Variants in MCCC1 observed in about 807,000 individuals in gnomAD.
MCCC1 encodes the protein methylcrotonoyl-CoA carboxylase subunit alpha, mitochondrial.
MCCC1 carries 64 observed loss-of-function variants against 83.8 expected under a neutral mutation model. That is an observed-to-expected ratio of 0.76 (90% CI 0.62 to 0.94). The LOEUF (loss-of-function observed/expected upper bound fraction) is 0.94, where lower values mean the gene tolerates loss of function less well. Ranked by LOEUF, MCCC1 falls within the 40% of genes least tolerant of loss-of-function variation. MCCC1 has a pLI of 0.00. For synonymous variants in MCCC1, 322 were observed against 315.4 expected, an observed-to-expected ratio of 1.02 and a Z score of -0.22; for missense variants, 807 against 904.7, an observed-to-expected ratio of 0.89 and a Z score of 1.39.
At chr3:183,092,600 A>C in intron 2 of MCCC1, 55 bp from the exon 3 acceptor site, 1 of 1,608,374 alleles carries the variant, frequency 6.2e-7, no homozygotes, top group Non-Finnish European at 8.5e-7. Flanking sequence ...GCAAAGAATG[A>C]GAATGAGAAT....
At chr3:183,050,724 AAAG>A (rs1222666287) in intron 9 of MCCC1, among the ~76,000 whole-genome samples, 1 of 151,484 alleles carries the variant, frequency 6.6e-6, no homozygotes, top group East Asian at 1.9e-4. Flanking sequence ...AAAAAAAAAA[AAAG>A]AAAGGGAAAG....
chr3:183,038,765 A>C (rs1360230931), intron 12 of MCCC1, among the ~76,000 whole-genome samples: 1 of 152,262 alleles, frequency 6.6e-6, no homozygotes, highest in African/African-American at 2.4e-5. Context: ...CCTTATCTAC[A>C]GAGTGAATAG....
chr3:183,024,826 A>G (rs1429604208), intron 15 of MCCC1, among the ~76,000 whole-genome samples: 1 of 152,158 alleles, frequency 6.6e-6, no homozygotes, highest in Non-Finnish European at 1.5e-5. Context: ...GGTCTTAAAG[A>G]AGTATTTGTA....
chr3:183,047,502 G>T (rs909544103), intron 9 of MCCC1, among the ~76,000 whole-genome samples: 3 of 152,156 alleles, frequency 2.0e-5, no homozygotes, highest in South Asian at 2.1e-4. Context: ...GAAGCATCAG[G>T]TATGGCAGGA....
chr3:183,079,057 C>T (rs921091524), intron 4 of MCCC1, among the ~76,000 whole-genome samples: 26 of 152,220 alleles, frequency 1.7e-4, no homozygotes, highest in African/African-American at 6.3e-4. Flanking sequence ...TCCCACGATA[C>T]ATGAGAATTG....
intron 8 of MCCC1, among the ~76,000 whole-genome samples, chr3:183,052,742 G>A (rs1018648793): frequency 1.5e-4 from 23 of 150,436 alleles, no homozygotes; most frequent in Admixed American, 4.6e-4. Context: ...CCTGGGAGGC[G>A]GAGCTTGCAG....
chr3:183,016,807 C>T (rs113900810), intron 18 of MCCC1, among the ~76,000 whole-genome samples: 13 of 152,322 alleles, frequency 8.5e-5, no homozygotes, highest in African/African-American at 2.6e-4. Context: ...ACCATTTGAA[C>T]CATCTAAAAA....
At chr3:183,092,345 A>G (rs1718420099) in intron 3 of MCCC1, 64 bp downstream of exon 3, 2 of 1,607,128 alleles carry the variant, frequency 1.2e-6, no homozygotes, top group Non-Finnish European at 1.7e-6. Context: ...CATCATAAAG[A>G]ACGAAAATAC....
Position 183,064,563 on chromosome 3 carries a change from A to G in MCCC1, c.761+6436T>C, listed in dbSNP as rs1716101012. Among the ~76,000 whole-genome samples, 1 of 152,132 alleles carries G rather than the reference A, an allele frequency of 6.6e-6. No individual in the cohort carries two copies. Among genetic ancestry groups the G allele is most frequent in the Admixed American group, 6.5e-5 (1 of 15,280 alleles). On this transcript the variant is annotated intron_variant, in intron 7 of 18. Transcript: ENST00000265594. The surrounding 1 kb of genome is among the most constrained non-coding windows in gnomAD (Gnocchi z 4.5). Reference sequence around the variant, plus strand: ...CACGCCACCAGCACGGGCCAGGCGCACAAGTGCAGCACCAGCGGGCTGCAC... The same window carrying G: ...CACGCCACCAGCACGGGCCAGGCGCGCAAGTGCAGCACCAGCGGGCTGCAC...
At chr3:183,089,956 A>G (rs1465497071) in intron 3 of MCCC1, among the ~76,000 whole-genome samples, 1 of 152,206 alleles carries the variant, frequency 6.6e-6, no homozygotes, top group Non-Finnish European at 1.5e-5. Flanking sequence ...AGTTGGATAT[A>G]TATGTATCAT....
chr3:183,091,136 A>G, intron 3 of MCCC1: 2 of 431,312 alleles, frequency 4.6e-6, no homozygotes, highest in South Asian at 1.7e-5. Context: ...GAGAGCCACA[A>G]GGGCCTGCTG....
chr3:183,100,195 C>A (rs1577378510), upstream of MCCC1, among the ~76,000 whole-genome samples: 1 of 152,202 alleles, frequency 6.6e-6, no homozygotes, highest in South Asian at 2.1e-4. Context: ...ATTTAAAAAA[C>A]AAGCAGGGGA....
Position 183,039,141 on chromosome 3 carries a change from A to G in MCCC1, c.1268-6T>C, listed in dbSNP as rs535774158. 7 of 1,613,908 alleles carry G rather than the reference A, an allele frequency of 4.3e-6. No individual in the cohort carries two copies. The Admixed American group carries it at 1.0e-4, about 23-fold the overall frequency. ...ATGCACGGAAACTTCGTCTCCTGAA[A>G]TTGAAAACCACGGTAACCTCTTCAA... On this transcript the variant is annotated splice_polypyrimidine_tract_variant and splice_region_variant and intron_variant, in intron 11 of 18. Coordinates refer to ENST00000265594, the MANE Select transcript of MCCC1 (RefSeq NM_020166.5).
At chr3:183,062,195 G>A (rs1715888018) in intron 7 of MCCC1, among the ~76,000 whole-genome samples, 1 of 152,100 alleles carries the variant, frequency 6.6e-6, no homozygotes, top group Non-Finnish European at 1.5e-5. Context: ...GACAGCATGA[G>A]AACAGACTAA....
chr3:183,036,551 T>G (rs1057099190), intron 13 of MCCC1, among the ~76,000 whole-genome samples: 1 of 149,816 alleles, frequency 6.7e-6, no homozygotes, highest in Non-Finnish European at 1.5e-5. Flanking sequence ...TTTTTTTTTT[T>G]TTTTTTTAGA....
chr3:183,079,280 A>G (rs567653588), intron 4 of MCCC1, among the ~76,000 whole-genome samples: 1 of 152,304 alleles, frequency 6.6e-6, no homozygotes, highest in African/African-American at 2.4e-5. Context: ...TTCCGCCTAT[A>G]AGCCTGTAAA....
In MCCC1 at chr3:183,037,247, A is replaced by T; in HGVS notation, c.1565T>A (p.Met522Lys). The T allele has an allele frequency of 6.2e-7, 1 of 1,613,940 alleles. No individual in the cohort carries two copies. Among genetic ancestry groups the T allele is most frequent in the Non-Finnish European group, 8.5e-7 (1 of 1,180,024 alleles). The change falls in exon 13 of 19, where the codon ATG (methionine) becomes AAG (lysine). Residue 522 changes from methionine to lysine, a missense_variant. Met to Lys is a moderately conservative substitution (Grantham distance 95). Coordinates refer to ENST00000265594, the MANE Select transcript of MCCC1 (RefSeq NM_020166.5). ...ALGLILKEKA[M>K]TDTFTLQAHD... ...TGCCTGAAGAGTGAAAGTGTCGGTC[A>T]TGGCTTTCTCCTTGAGGATGAGACC...
intron 16 of MCCC1, among the ~76,000 whole-genome samples, 189 bp from the exon 17 acceptor site, chr3:183,020,426 G>A (rs1252574393): frequency 1.3e-5 from 2 of 152,004 alleles, no homozygotes; most frequent in South Asian, 4.1e-4. Context: ...GAGCCCAGGA[G>A]TTCAAGACCA....
upstream of MCCC1, among the ~76,000 whole-genome samples, chr3:183,100,574 A>G (rs537521508): frequency 1.3e-5 from 2 of 152,376 alleles, no homozygotes; most frequent in African/African-American, 4.8e-5. Context: ...AAAAGTAAAC[A>G]TAACTTTGAT....
Sources: allele counts gnomAD v4.1 joint callset (sites outside exome capture counted in the v4.1 genomes callset), GRCh38; gene constraint gnomAD v4.1.1; non-coding constraint Gnocchi (gnomAD v3.1); transcripts MANE v1.5; gene names NCBI Gene and HGNC (gene_info 2026-07-23, HGNC 2026-07-21).